NTNG1: variants seen among roughly 807,000 people sequenced by gnomAD.
The protein encoded by NTNG1 is netrin G1, also known as netrin-G1.
In NTNG1, 16 loss-of-function variants were observed where a neutral mutation model predicts 54.0. The observed-to-expected ratio is 0.30, with a 90% CI of 0.20 to 0.45. NTNG1 has a LOEUF of 0.45. Ranked by LOEUF, NTNG1 falls within the 20% of genes least tolerant of loss-of-function variation. The pLI, the probability that NTNG1 is intolerant of heterozygous loss-of-function variation, is 1.00. For missense variants in NTNG1, 530 were observed against 678.7 expected (o/e 0.78, Z 2.43); for synonymous variants, 255 against 263.1 (o/e 0.97, Z 0.30).
intron 2 of NTNG1, among the ~76,000 whole-genome samples, chr1:107,209,459 A>T (rs1490044734): frequency 6.6e-6 from 1 of 152,188 alleles, no homozygotes; most frequent in Non-Finnish European, 1.5e-5. Context: ...ATGGGAGATG[A>T]CAGCCTTAAC....
chr1:107,391,330 T>C (rs115831862), intron 3 of NTNG1, among the ~76,000 whole-genome samples: 313 of 152,262 alleles, frequency 2.1e-3, no homozygotes, highest in African/African-American at 7.1e-3. Context: ...AAAAAAATAT[T>C]TGGACTATTG....
chr1:107,327,601 G>C (rs2101888095), intron 3 of NTNG1, among the ~76,000 whole-genome samples: 1 of 152,024 alleles, frequency 6.6e-6, no homozygotes, highest in Admixed American at 6.6e-5. Context: ...CTTGTTCCTT[G>C]CACCCGCCCC....
chr1:107,213,234 G>T (rs1659709737), intron 2 of NTNG1, among the ~76,000 whole-genome samples: 1 of 151,874 alleles, frequency 6.6e-6, no homozygotes, highest in African/African-American at 2.4e-5. Flanking sequence ...AATCAAGCCC[G>T]TTACACTTGT....
At chr1:107,156,344 T>C (rs1356753536) in intron 2 of NTNG1, among the ~76,000 whole-genome samples, 1 of 152,186 alleles carries the variant, frequency 6.6e-6, no homozygotes, top group Non-Finnish European at 1.5e-5. Flanking sequence ...TGAGAATTTT[T>C]TTCTATTTCT....
chr1:107,326,162 G>C (rs1008577146), intron 3 of NTNG1, among the ~76,000 whole-genome samples: 7 of 152,126 alleles, frequency 4.6e-5, no homozygotes, highest in African/African-American at 1.7e-4. Flanking sequence ...AGTCTTAGCT[G>C]TGGAAAAGCA....
intron 4 of NTNG1, among the ~76,000 whole-genome samples, chr1:107,396,597 T>C (rs905331675): frequency 6.6e-6 from 1 of 152,164 alleles, no homozygotes; most frequent in Non-Finnish European, 1.5e-5. Flanking sequence ...CTGTGGCCTT[T>C]CCTCAATTGT....
chr1:107,299,742 C>T (rs971687789), intron 2 of NTNG1, among the ~76,000 whole-genome samples: 1 of 152,106 alleles, frequency 6.6e-6, no homozygotes, highest in Non-Finnish European at 1.5e-5. Flanking sequence ...TCATTGTGAT[C>T]GCTTTATGAA....
chr1:107,399,971 AC>A (rs1557967033), intron 4 of NTNG1, among the ~76,000 whole-genome samples: 1 of 151,948 alleles, frequency 6.6e-6, no homozygotes, highest in East Asian at 1.9e-4. Context: ...CATGTTCCCC[AC>A]CCCGGCTGTT....
intron 2 of NTNG1, among the ~76,000 whole-genome samples, chr1:107,252,823 T>C (rs1662694773): frequency 6.6e-6 from 1 of 152,212 alleles, no homozygotes; most frequent in African/African-American, 2.4e-5. Context: ...GTCAAAGCTA[T>C]AGCTTTATCT....
chr1:107,266,775 G>A (rs1425621801), intron 2 of NTNG1, among the ~76,000 whole-genome samples: 2 of 151,906 alleles, frequency 1.3e-5, no homozygotes, highest in African/African-American at 4.8e-5. Flanking sequence ...TTTCAGACCT[G>A]TAAAGAGCTG....
At chr1:107,462,505 C>T (rs1165311068) in intron 7 of NTNG1, among the ~76,000 whole-genome samples, 1 of 152,162 alleles carries the variant, frequency 6.6e-6, no homozygotes, top group East Asian at 1.9e-4. Flanking sequence ...AGACCAAGTC[C>T]TCAATAAATA....
intron 3 of NTNG1, among the ~76,000 whole-genome samples, chr1:107,387,226 A>G (rs1268157353): frequency 6.6e-6 from 1 of 152,230 alleles, no homozygotes; most frequent in African/African-American, 2.4e-5. Context: ...ACCAATTAGT[A>G]GATTTGACAG....
chr1:107,420,070 A>G (rs1674481219), intron 5 of NTNG1, among the ~76,000 whole-genome samples: 1 of 152,046 alleles, frequency 6.6e-6, no homozygotes, highest in African/African-American at 2.4e-5. Flanking sequence ...ATTGAATTTC[A>G]TAGTTCACAA....
chr1:107,199,276 T>G (rs1218038873), intron 2 of NTNG1, among the ~76,000 whole-genome samples: 1 of 4,340 alleles, frequency 2.3e-4, no homozygotes, highest in African/African-American at 4.6e-4. Context: ...ATTTTATTAC[T>G]TCTTTTTTTT....
At chr1:107,258,214 A>G (rs115151920) in intron 2 of NTNG1, among the ~76,000 whole-genome samples, 164 of 151,336 alleles carry the variant, frequency 1.1e-3, no homozygotes, top group African/African-American at 3.8e-3. Flanking sequence ...GTTTTGCCCA[A>G]GGAAAGTCTT....
At chr1:107,427,143 C>G (rs1303158338) in intron 5 of NTNG1, among the ~76,000 whole-genome samples, 1 of 152,094 alleles carries the variant, frequency 6.6e-6, no homozygotes, top group Non-Finnish European at 1.5e-5. Flanking sequence ...AATTTGATTT[C>G]CTCTTTTCCA....
intron 7 of NTNG1, among the ~76,000 whole-genome samples, chr1:107,451,521 T>C (rs1676626868): frequency 6.6e-6 from 1 of 152,140 alleles, no homozygotes; most frequent in African/African-American, 2.4e-5. Context: ...CATGGACTCA[T>C]TGTCAGGGGT....
chr1:107,243,511 T>A (rs1477637900), intron 2 of NTNG1, among the ~76,000 whole-genome samples: 1 of 152,260 alleles, frequency 6.6e-6, no homozygotes, highest in Non-Finnish European at 1.5e-5. Context: ...AGAATATATT[T>A]CAATGACAGA....
chr1:107,224,506 A>T (rs541028648), intron 2 of NTNG1, among the ~76,000 whole-genome samples: 6 of 152,048 alleles, frequency 3.9e-5, no homozygotes, highest in Non-Finnish European at 7.4e-5. Flanking sequence ...AGACTGTTTC[A>T]CCCTCTCTAA....
Sources: gnomAD v4.1 joint callset for allele counts (sites outside exome capture counted in the v4.1 genomes callset) on GRCh38, gnomAD v4.1.1 for gene constraint, MANE v1.5 for transcripts, NCBI Gene and HGNC (gene_info 2026-07-23, HGNC 2026-07-21) for gene names.